Variants in GNB2 observed in about 807,000 individuals in gnomAD.
GNB2 encodes G protein subunit beta 2.
Under a neutral mutation model 40.7 loss-of-function variants are expected in GNB2, and 7 were observed. That is an observed-to-expected ratio of 0.17 (90% CI 0.10 to 0.32). The LOEUF is 0.32. Among genes scored for constraint, GNB2 ranks in the 10% least tolerant of loss-of-function variants. The pLI, the probability that GNB2 is intolerant of heterozygous loss-of-function variation, is 1.00. For missense variants in GNB2, 286 were observed against 473.0 expected (o/e 0.60, Z 3.67); for synonymous variants, 254 against 191.2 (o/e 1.33, Z -2.71).
At chr7:100,678,636 G>A (rs1265623195) in intron 9 of GNB2, 22 bp downstream of exon 9, 1 of 1,608,266 alleles carries the variant, frequency 6.2e-7, no homozygotes, top group African/African-American at 1.3e-5. Context: ...GGCCCAGGCT[G>A]GGTGGGCAGG....
At chr7:100,677,975 G>A in intron 7 of GNB2, 123 bp from the exon 8 acceptor site, 7 of 1,020,490 alleles carry the variant, frequency 6.9e-6, no homozygotes, top group Non-Finnish European at 7.5e-6. Flanking sequence ...CCCACCTAAG[G>A]CTCTGAGAAG....
At chr7:100,677,969 C>G in intron 7 of GNB2, 129 bp from the exon 8 acceptor site, 1 of 1,016,756 alleles carries the variant, frequency 9.8e-7, no homozygotes, top group South Asian at 1.4e-5. Flanking sequence ...CCCCTCCCCA[C>G]CTAAGGCTCT....
intron 4 of GNB2, 88 bp from the exon 5 acceptor site, chr7:100,677,264 G>A: frequency 3.9e-6 from 4 of 1,022,958 alleles, no homozygotes; most frequent in Non-Finnish European, 6.1e-6. Context: ...ACAACAGAGA[G>A]AGACCCTACC....
chr7:100,676,998 T>G, intron 4 of GNB2, 199 bp downstream of exon 4: 1 of 597,620 alleles, frequency 1.7e-6, no homozygotes, highest in South Asian at 2.0e-5. Flanking sequence ...CTGGAGACTG[T>G]CTCTCAGGTG....
At position 100,676,337 on chromosome 7, in the gene GNB2, C is replaced by T. The variant is rs762404258; in HGVS notation, c.57+15C>T. On this transcript the variant is annotated intron_variant, in intron 2 of 9. Transcript: ENST00000303210. ...ACCAGATCCGGGTGAGGGCCTGGTG[C>T]GGGGCGGGCGATTCATGTGTACACC... The T allele has an allele frequency of 2.8e-5, 45 of 1,593,618 alleles. No individual in the cohort carries two copies. The highest frequency in any genetic ancestry group is 3.9e-5 in the Non-Finnish European group (45 of 1,168,444).
At position 100,679,134 on chromosome 7, in the gene GNB2, C is replaced by T. The variant is rs557044221; in HGVS notation, c.*333C>T. 2 of 251,742 alleles carry T rather than the reference C, an allele frequency of 7.9e-6. No individual in the cohort carries two copies. The highest frequency in any genetic ancestry group is 1.5e-4 in the East Asian group (2 of 13,040). 15.6% of individuals were successfully genotyped at this position (251,742 alleles called of 1,614,324 possible). ...TTTATTTTAATTTTTATTATATTTT[C>T]AGTTTTTCCATAAAGGAGCCAATTC... is the stretch of plus-strand genomic sequence containing the variant. On this transcript the variant is annotated 3_prime_UTR_variant, in exon 10 of 10. Transcript: ENST00000303210.
At position 100,678,267 on chromosome 7, in the gene GNB2, A is replaced by G. The variant is rs1050520443; in HGVS notation, c.667A>G (p.Ile223Val). Residue 223 changes from isoleucine to valine, a missense_variant, in exon 8 of 10, where the codon ATC (isoleucine) becomes GTC (valine). Coordinates refer to ENST00000303210, the MANE Select transcript of GNB2 (RefSeq NM_005273.4). Reference sequence around the variant, plus strand: ...GGATTCCATGTGCCGACAGACCTTCATCGGCCATGAATCCGACATCAATGC... The same window carrying G: ...GGATTCCATGTGCCGACAGACCTTCGTCGGCCATGAATCCGACATCAATGC... ...VRDSMCRQTF[I>V]GHESDINAVA... 21 of 1,613,844 alleles carry G rather than the reference A, an allele frequency of 1.3e-5. No individual in the cohort carries two copies. Among genetic ancestry groups the G allele is most frequent in the Non-Finnish European group, 1.6e-5 (19 of 1,179,926 alleles).
intron 2 of GNB2, 57 bp downstream of exon 2, chr7:100,676,379 C>A (rs931365536): frequency 8.0e-7 from 1 of 1,242,934 alleles, no homozygotes; most frequent in Non-Finnish European, 1.2e-6. Context: ...TGCCCTGGAC[C>A]GGGTTGGGTG....
chr7:100,676,507 GTC>G (rs1292326318), intron 2 of GNB2, 26 bp from the exon 3 acceptor site: 4 of 1,593,926 alleles, frequency 2.5e-6, no homozygotes, highest in African/African-American at 2.7e-5. Flanking sequence ...CTTCTCTCGC[GTC>G]TCTCTGGCTC....
Position 100,677,573 on chromosome 7 carries a change from G to C in GNB2, c.343G>C (p.Gly115Arg). The change falls in exon 6 of 10, where the codon GGG becomes CGG. Residue 115 changes from glycine (G) to arginine (R), a missense_variant. By Grantham distance (125) the Gly-to-Arg change is moderately radical. Coordinates refer to ENST00000303210, the MANE Select transcript of GNB2 (RefSeq NM_005273.4). ...YAPSGNFVACGGLDNICSIYS... is the reference protein window; with the variant it reads ...YAPSGNFVACRGLDNICSIYS... ...GCCCTCAGGGAACTTTGTGGCCTGTGGGGGGTTGGACAACATCTGCTCCAT... is the reference window on the plus strand; with the variant it reads ...GCCCTCAGGGAACTTTGTGGCCTGTCGGGGGTTGGACAACATCTGCTCCAT... The C allele has an allele frequency of 6.2e-7, 1 of 1,613,376 alleles. No individual in the cohort carries two copies. Among genetic ancestry groups the C allele is most frequent in the Non-Finnish European group, 8.5e-7 (1 of 1,179,932 alleles).
intron 1 of GNB2, chr7:100,675,964 G>A (rs1040188156): frequency 1.7e-5 from 7 of 401,996 alleles, no homozygotes; most frequent in Non-Finnish European, 2.7e-5. Context: ...TGCACTTCCC[G>A]CTCCGTTTCC....
intron 1 of GNB2, 50 bp from the exon 2 acceptor site, chr7:100,676,127 C>G: frequency 1.8e-6 from 1 of 566,028 alleles, no homozygotes; most frequent in Non-Finnish European, 3.1e-6. Context: ...CCGCCTTTCT[C>G]CCCACTTCCC....
intron 7 of GNB2, 49 bp from the exon 8 acceptor site, chr7:100,678,049 G>A (rs1422062844): frequency 1.5e-5 from 22 of 1,470,568 alleles, no homozygotes; most frequent in Non-Finnish European, 1.9e-5. Flanking sequence ...CAGGGACTCT[G>A]TTCTTCGCCC....
Position 100,678,678 on chromosome 7 carries a change from TTC to T in GNB2, c.917-11_917-10del. Reference sequence around the variant, plus strand: ...GAGCCCAGGCCCAATGGGTTCTGACTTCTCTCTTCTTCACAGGAGTCCTCGCT... The same window carrying T: ...GAGCCCAGGCCCAATGGGTTCTGACTTCTCTTCTTCACAGGAGTCCTCGCT... On this transcript the variant is annotated splice_polypyrimidine_tract_variant and intron_variant, in intron 9 of 9. Coordinates refer to ENST00000303210, the MANE Select transcript of GNB2 (RefSeq NM_005273.4). The T allele has an allele frequency of 8.1e-6, 13 of 1,611,936 alleles. No homozygotes were observed. Among genetic ancestry groups the T allele is most frequent in the African/African-American group, 1.3e-5 (1 of 75,038 alleles).
rs780578984 is a variant in GNB2 at position 100,678,134 on chromosome 7, G to A, written c.534G>A (p.Val178=). The change falls in exon 8 of 10, where the codon GTG becomes GTA. Residue 178 remains valine, a synonymous_variant. Transcript: ENST00000303210. The part of the protein sequence containing the change: ...LWDIETGQQT[V]GFAGHSGDVM... Reference sequence around the variant, plus strand: ...ACATTGAGACAGGCCAGCAGACAGTGGGTTTTGCTGGACACAGTGGGGATG... The same window carrying A: ...ACATTGAGACAGGCCAGCAGACAGTAGGTTTTGCTGGACACAGTGGGGATG... The A allele has an allele frequency of 1.2e-5, 20 of 1,613,812 alleles. No homozygotes were observed. Among genetic ancestry groups the A allele is most frequent in the Non-Finnish European group, 1.4e-5 (17 of 1,179,790 alleles).
At chr7:100,674,335 CA>C (rs1365706638) in intron 1 of GNB2, among the ~76,000 whole-genome samples, 2 of 151,640 alleles carry the variant, frequency 1.3e-5, no homozygotes, top group East Asian at 1.9e-4. Context: ...TCGCCTTGCA[CA>C]ACTCCAAAAT....
chr7:100,675,052 C>G (rs1255504637), intron 1 of GNB2, among the ~76,000 whole-genome samples: 1 of 151,996 alleles, frequency 6.6e-6, no homozygotes, highest in African/African-American at 2.4e-5. Flanking sequence ...ACGCCTGGGC[C>G]GGCCAAGTGC....
intron 1 of GNB2, among the ~76,000 whole-genome samples, chr7:100,675,123 G>T (rs1176980124): frequency 6.6e-6 from 1 of 151,252 alleles, no homozygotes; most frequent in African/African-American, 2.4e-5. Context: ...GGCTCCCGGA[G>T]CGGAGCCAGC....
At position 100,678,624 on chromosome 7, in the gene GNB2, G is replaced by C. The variant is rs199609383; in HGVS notation, c.916+10G>C. On this transcript the variant is annotated intron_variant, in intron 9 of 9. Transcript: ENST00000303210. ...AAGGGCGACCGTGCAGGTGACAGCTGGGGCCCAGGCTGGGTGGGCAGGGAC... is the reference window on the plus strand; with the variant it reads ...AAGGGCGACCGTGCAGGTGACAGCTCGGGCCCAGGCTGGGTGGGCAGGGAC... 3.7e-6 allele frequency: 6 copies of C among 1,611,226 alleles called. No homozygotes were observed. In the African/African-American group the frequency reaches 8.0e-5, roughly 22 times the overall value.
Sources: allele counts gnomAD v4.1 joint callset (sites outside exome capture counted in the v4.1 genomes callset), GRCh38; gene constraint gnomAD v4.1.1; transcripts MANE v1.5; gene names NCBI Gene and HGNC (gene_info 2026-07-23, HGNC 2026-07-21).